Variants in CALCOCO2 observed in about 807,000 individuals in gnomAD.
CALCOCO2 encodes the protein calcium binding and coiled-coil domain 2, also known as calcium-binding and coiled-coil domain-containing protein 2.
Under a neutral mutation model 62.5 loss-of-function variants are expected in CALCOCO2, and 42 were observed. That is an observed-to-expected ratio of 0.67 (90% confidence interval 0.53 to 0.87). The LOEUF (loss-of-function observed/expected upper bound fraction) is 0.87, where lower values mean the gene tolerates loss of function less well. CALCOCO2 is among the 40% of genes least tolerant of loss of function. CALCOCO2 has a pLI of 0.00. For missense variants in CALCOCO2, 456 were observed against 515.0 expected (o/e 0.89, Z 1.11); for synonymous variants, 167 against 173.0 (o/e 0.97, Z 0.27).
In CALCOCO2 at chr17:48,841,749, G is replaced by A; in HGVS notation, c.42G>A (p.Leu14=). 6.2e-7 allele frequency: 1 copy of A among 1,613,592 alleles called. No individual in the cohort carries two copies. Among genetic ancestry groups the A allele is most frequent in the South Asian group, 1.1e-5 (1 of 91,022 alleles). ...TIKDPPTSAV[L]LDHCHFSQVI... is the part of the protein sequence containing the mutation. ...AAGATCCCCCCACATCAGCTGTCTT[G>A]CTGGATCACTGTCATTTCTCTCAGG... The change falls in exon 2 of 13, where the codon TTG becomes TTA. Residue 14 remains leucine (L), a synonymous_variant. Transcript: ENST00000258947.
rs2040360009 is a variant in CALCOCO2, at chr17:48,863,956, A to T, written c.*951A>T. On this transcript the variant is annotated 3_prime_UTR_variant, in exon 13 of 13. Coordinates refer to ENST00000258947, the MANE Select transcript of CALCOCO2 (RefSeq NM_005831.5). The stretch of plus-strand genomic sequence containing the variant: ...CAGACCCCGCCAATGATTTCTCTTC[A>T]CCTGTCTTAAGATTAAATAAAAAAG... 6.6e-6 allele frequency: 1 copy of T among 151,788 alleles called. No homozygotes were observed. The highest frequency in any genetic ancestry group is 1.5e-5 in the Non-Finnish European group (1 of 67,946). The allele number at this position is 151,788 out of a possible 1,614,324, so 9.4% of individuals were successfully genotyped here.
intron 2 of CALCOCO2, chr17:48,842,154 C>CTTTTTTTTTTTTTTTTTTTTTTTTTT (rs200836727): frequency 1.5e-5 from 2 of 135,482 alleles, no homozygotes; most frequent in Non-Finnish European, 3.0e-5. Context: ...TTTTTCTTTT[C>CTTTTTTTTTTTTTTTTTTTTTTTTTT]TTTTTTTTTT....
At chr17:48,840,406 C>T (rs1444314793) in intron 1 of CALCOCO2, among the ~76,000 whole-genome samples, 1 of 152,208 alleles carries the variant, frequency 6.6e-6, no homozygotes, top group Admixed American at 6.5e-5. Flanking sequence ...GCTGGGATTA[C>T]AGGTGTGAGC....
intron 2 of CALCOCO2, among the ~76,000 whole-genome samples, chr17:48,843,498 T>C (rs138648447): frequency 6.6e-6 from 1 of 152,302 alleles, no homozygotes; most frequent in Non-Finnish European, 1.5e-5. Context: ...ATATCCTTCA[T>C]TGAATTCCTT....
Position 48,852,177 on chromosome 17 carries a change from T to C in CALCOCO2, c.703-329T>C, listed in dbSNP as rs184389078. 3.3e-3 allele frequency among the ~76,000 whole-genome samples: 500 copies of C among 152,068 alleles called. 5 individuals are homozygous for C. Among genetic ancestry groups the C allele is most frequent in the Non-Finnish European group, 3.7e-3 (249 of 67,994 alleles). Reference sequence around the variant, plus strand: ...AAAAAATCATGATTCACAAGGAACTTAGTGATTTGTTCATGTATTACTAAG... The same window carrying C: ...AAAAAATCATGATTCACAAGGAACTCAGTGATTTGTTCATGTATTACTAAG... On this transcript the variant is annotated intron_variant, in intron 7 of 12. Transcript: ENST00000258947.
intron 10 of CALCOCO2, chr17:48,856,457 ACTTCACAG>A: frequency 2.1e-6 from 1 of 468,472 alleles, no homozygotes; most frequent in South Asian, 1.7e-5. Flanking sequence ...TTTGCTTTTA[ACTTCACAG>A]CTAATATATG....
In CALCOCO2 at chr17:48,853,035, A is replaced by G. The variant is rs200799401; in HGVS notation, c.912+23A>G. On this transcript the variant is annotated intron_variant, in intron 9 of 12. Coordinates refer to ENST00000258947, the MANE Select transcript of CALCOCO2 (RefSeq NM_005831.5). ...ATGGCATGTCTGTCTTTGGATGGTT[A>G]TGTGGGAGGGAGCCTATAGGGATGT... 1.1e-3 allele frequency: 1,676 copies of G among 1,513,230 alleles called. 10 individuals carry two copies. Among genetic ancestry groups the G allele is most frequent in the Non-Finnish European group, 1.0e-3 (1,120 of 1,088,168 alleles). 93.7% of individuals were successfully genotyped at this position (1,513,230 alleles called of 1,614,324 possible).
At position 48,854,412 on chromosome 17, in the gene CALCOCO2, T is replaced by A. The variant is rs1280225893; in HGVS notation, c.912+1400T>A. On this transcript the variant is annotated intron_variant, in intron 9 of 12. Transcript: ENST00000258947. ...TATATATATATTTTTTTTTTTTTTT[T>A]TTTTTTTTTTTTTGAGACAGTCTTG... 3.6e-4 allele frequency among the ~76,000 whole-genome samples: 8 copies of A among 22,052 alleles called. No individual in the cohort carries two copies. The South Asian group carries it at 6.5e-3, about 18-fold the overall frequency. 14.5% of individuals were successfully genotyped at this position (22,052 alleles called of 152,430 possible).
Position 48,857,492 on chromosome 17 carries a change from C to T in CALCOCO2, c.1008+1305C>T, listed in dbSNP as rs1170706503. 3.6e-4 allele frequency among the ~76,000 whole-genome samples: 17 copies of T among 47,598 alleles called. No homozygotes were observed. In the East Asian group the frequency reaches 3.6e-3, roughly 10 times the overall value. 31.2% of individuals were successfully genotyped at this position (47,598 alleles called of 152,430 possible). ...GATTACAGGCGTGAGCCACTGCACC[C>T]GGCCCTTTTTTTTTTTTTTTTTTTT... On this transcript the variant is annotated intron_variant, in intron 10 of 12. Transcript: ENST00000258947.
In CALCOCO2 at chr17:48,864,970, G is replaced by A. The variant is rs2040374195; in HGVS notation, c.*1965G>A. ...GCTCTTAATTAAGTACATGAATGGAGAGGAACAGTGGTGCACATAATCCAA... is the reference window on the plus strand; with the variant it reads ...GCTCTTAATTAAGTACATGAATGGAAAGGAACAGTGGTGCACATAATCCAA... On this transcript the variant is annotated 3_prime_UTR_variant, in exon 13 of 13. Coordinates refer to ENST00000258947, the MANE Select transcript of CALCOCO2 (RefSeq NM_005831.5). The A allele has an allele frequency of 6.6e-6, 1 of 152,162 alleles. No individual in the cohort carries two copies. The highest frequency in any genetic ancestry group is 1.5e-5 in the Non-Finnish European group (1 of 68,032). 9.4% of individuals were successfully genotyped at this position (152,162 alleles called of 1,614,324 possible).
intron 1 of CALCOCO2, among the ~76,000 whole-genome samples, chr17:48,833,247 A>T (rs1392082110): frequency 6.6e-6 from 1 of 152,176 alleles, no homozygotes; most frequent in African/African-American, 2.4e-5. Context: ...GCTAATTGCT[A>T]ATCGTTTAGA....
Position 48,857,497 on chromosome 17 carries a change from C to CT in CALCOCO2, c.1008+1333dup, listed in dbSNP as rs59318856. On this transcript the variant is annotated intron_variant, in intron 10 of 12. Coordinates refer to ENST00000258947, the MANE Select transcript of CALCOCO2 (RefSeq NM_005831.5). ...CAGGCGTGAGCCACTGCACCCGGCC[C>CT]TTTTTTTTTTTTTTTTTTTTTTTGA... is the stretch of plus-strand genomic sequence containing the variant. 3.1e-3 allele frequency among the ~76,000 whole-genome samples: 120 copies of CT among 38,440 alleles called. 17 individuals carry two copies. In the East Asian group the frequency reaches 0.06, roughly 19 times the overall value. 25.2% of individuals were successfully genotyped at this position (38,440 alleles called of 152,430 possible). A position where few individuals can be genotyped will look rare whatever the true frequency, so the allele number is the denominator to read the frequency against.
intron 10 of CALCOCO2, 95 bp downstream of exon 10, chr17:48,856,282 C>T (rs555768493): frequency 2.8e-4 from 185 of 649,546 alleles, no homozygotes; most frequent in Non-Finnish European, 4.6e-4. Context: ...AAGTTAAGGG[C>T]CCTTTCTGGG....
Position 48,850,118 on chromosome 17 carries a change from G to C in CALCOCO2, c.543+741G>C, listed in dbSNP as rs963391476. 5.3e-5 allele frequency among the ~76,000 whole-genome samples: 8 copies of C among 152,164 alleles called. No individual in the cohort carries two copies. In the East Asian group the frequency reaches 1.6e-3, roughly 30 times the overall value. Reference sequence around the variant, plus strand: ...GTTTGAGACCAGCCTGGCCAAGATGGTGAAACCCCGTCTCTACTAAAAATA... The same window carrying C: ...GTTTGAGACCAGCCTGGCCAAGATGCTGAAACCCCGTCTCTACTAAAAATA... On this transcript the variant is annotated intron_variant, in intron 5 of 12. Coordinates refer to ENST00000258947, the MANE Select transcript of CALCOCO2 (RefSeq NM_005831.5).
chr17:48,842,840 C>T (rs1261560363), intron 2 of CALCOCO2, among the ~76,000 whole-genome samples: 2 of 152,018 alleles, frequency 1.3e-5, no homozygotes, highest in African/African-American at 2.4e-5. Context: ...CAGGTTTCAC[C>T]ATGTTGGTCA....
chr17:48,837,290 C>G (rs1227019027), intron 1 of CALCOCO2, among the ~76,000 whole-genome samples: 1 of 152,114 alleles, frequency 6.6e-6, no homozygotes, highest in Non-Finnish European at 1.5e-5. Context: ...ACACAGGTAA[C>G]AGTTTATTAT....
chr17:48,858,059 T>TAGAAC (rs1567759615), intron 10 of CALCOCO2, among the ~76,000 whole-genome samples: 9 of 136,896 alleles, frequency 6.6e-5, no homozygotes, highest in Non-Finnish European at 1.3e-4. Context: ...TAGAATAGAA[T>TAGAAC]AGAATAGAAT....
chr17:48,842,240 C>T (rs2039985495), intron 2 of CALCOCO2: 1 of 154,310 alleles, frequency 6.5e-6, no homozygotes, highest in Non-Finnish European at 1.4e-5. Flanking sequence ...CTGCTACCTC[C>T]ACCTCCCGGG....
chr17:48,864,072 T>TC lies in CALCOCO2; in HGVS notation c.*1067_*1068insC, dbSNP rs1383249199. The TC allele has an allele frequency of 6.8e-6, 1 of 146,824 alleles. No homozygotes were observed. The highest frequency in any genetic ancestry group is 1.5e-5 in the Non-Finnish European group (1 of 65,752). The allele number at this position is 146,824 out of a possible 1,614,324, so 9.1% of individuals were successfully genotyped here. ...GCCCTGGCTTGCTTTCTTTCTTTTT[T>TC]TTTTTTTTTTTTTGAAACAGTCTCT... On this transcript the variant is annotated 3_prime_UTR_variant, in exon 13 of 13. Transcript: ENST00000258947.
Sources: gnomAD v4.1 joint callset for allele counts (sites outside exome capture counted in the v4.1 genomes callset) on GRCh38, gnomAD v4.1.1 for gene constraint, MANE v1.5 for transcripts, NCBI Gene and HGNC (gene_info 2026-07-23, HGNC 2026-07-21) for gene names.